EGFLAM: variants seen among roughly 807,000 people sequenced by gnomAD.
The protein encoded by EGFLAM is EGF like, fibronectin type III and laminin G domains, also known as pikachurin.
Under a neutral mutation model 113.1 loss-of-function variants are expected in EGFLAM, and 79 were observed. The observed-to-expected ratio is 0.70, with a 90% CI of 0.58 to 0.84. EGFLAM has a LOEUF of 0.84. Among genes scored for constraint, EGFLAM ranks in the 40% least tolerant of loss-of-function variants. The pLI is 0.00. For synonymous variants in EGFLAM, 504 were observed against 487.6 expected (o/e 1.03, Z -0.44); for missense variants, 1,265 against 1,291.6 (o/e 0.98, Z 0.32).
chr5:38,443,256 ACT>A (rs962825051), intron 17 of EGFLAM, among the ~76,000 whole-genome samples: 134 of 152,276 alleles, frequency 8.8e-4, no homozygotes, highest in African/African-American at 3.2e-3. Flanking sequence ...ACAGAGCGAG[ACT>A]CTGTCTCAAA....
chr5:38,357,089 C>A (rs1308195806), intron 5 of EGFLAM, among the ~76,000 whole-genome samples: 1 of 152,160 alleles, frequency 6.6e-6, no homozygotes, highest in Non-Finnish European at 1.5e-5. Context: ...AGACCCTCAG[C>A]CTGGGCAACA....
intron 1 of EGFLAM, among the ~76,000 whole-genome samples, chr5:38,333,431 G>A (rs1176471945): frequency 6.6e-6 from 1 of 152,182 alleles, no homozygotes; most frequent in African/African-American, 2.4e-5. Context: ...GCGTATAAGA[G>A]TTCCCTTTTC....
At position 38,465,261 on chromosome 5, in the gene EGFLAM, T is replaced by A. The variant is rs779895485; in HGVS notation, c.*1275T>A. Among the ~76,000 whole-genome samples, 1 of 152,000 alleles carries A rather than the reference T, an allele frequency of 6.6e-6. No homozygotes were observed. The highest frequency in any genetic ancestry group is 1.5e-5 in the Non-Finnish European group (1 of 68,002). Reference sequence around the variant, plus strand: ...CAGAGACAGCTGGTTCACTGGCAGATCCCCATGATGGACTTACTAAGGGAA... The same window carrying A: ...CAGAGACAGCTGGTTCACTGGCAGAACCCCATGATGGACTTACTAAGGGAA... On this transcript the variant is annotated 3_prime_UTR_variant, in exon 22 of 22. Transcript: ENST00000322350.
At chr5:38,424,076 C>T (rs1475686071) in intron 12 of EGFLAM, among the ~76,000 whole-genome samples, 1 of 152,164 alleles carries the variant, frequency 6.6e-6, no homozygotes, top group Admixed American at 6.5e-5. Flanking sequence ...ACCTCCACCC[C>T]CAGAAAAAGT....
At chr5:38,417,378 A>C (rs1579901650) in intron 11 of EGFLAM, among the ~76,000 whole-genome samples, 1 of 151,732 alleles carries the variant, frequency 6.6e-6, no homozygotes, top group Middle Eastern at 3.4e-3. Flanking sequence ...AACAAAAAAA[A>C]AAGGCCAAGG....
At chr5:38,322,160 G>A (rs1440860924) in intron 1 of EGFLAM, among the ~76,000 whole-genome samples, 2 of 152,168 alleles carry the variant, frequency 1.3e-5, no homozygotes, top group Non-Finnish European at 2.9e-5. Context: ...ACCCTAGCTA[G>A]TGCTGTCCAC....
intron 3 of EGFLAM, among the ~76,000 whole-genome samples, chr5:38,339,803 C>T (rs1011262395): frequency 1.3e-5 from 2 of 152,220 alleles, no homozygotes; most frequent in Admixed American, 1.3e-4. Context: ...AATAGATGCA[C>T]ATTTCCAGCT....
chr5:38,385,834 T>A (rs1740644956), intron 6 of EGFLAM, among the ~76,000 whole-genome samples: 1 of 152,242 alleles, frequency 6.6e-6, no homozygotes, highest in Non-Finnish European at 1.5e-5. Flanking sequence ...GGATACATTC[T>A]GAGAAATGCA....
intron 6 of EGFLAM, among the ~76,000 whole-genome samples, chr5:38,383,902 C>A (rs117848403): frequency 1.3e-5 from 2 of 151,830 alleles, no homozygotes; most frequent in African/African-American, 2.4e-5. Flanking sequence ...AAGAGGCCCA[C>A]GTGGTGGGAA....
At chr5:38,336,505 C>T (rs1444348092) in intron 1 of EGFLAM, among the ~76,000 whole-genome samples, 1 of 151,502 alleles carries the variant, frequency 6.6e-6, no homozygotes, top group Middle Eastern at 3.4e-3. Context: ...ACCCGGGAGG[C>T]GGGGCTTGCA....
intron 5 of EGFLAM, among the ~76,000 whole-genome samples, chr5:38,357,598 A>C (rs1739796070): frequency 6.6e-6 from 1 of 152,164 alleles, no homozygotes; most frequent in African/African-American, 2.4e-5. Flanking sequence ...GTGTGAGCCA[A>C]AAGGTCCTTA....
intron 13 of EGFLAM, among the ~76,000 whole-genome samples, chr5:38,425,308 A>G (rs1366852143): frequency 6.6e-6 from 1 of 152,088 alleles, no homozygotes; most frequent in African/African-American, 2.4e-5. Flanking sequence ...GCTCCCGAGT[A>G]GCTGGAACTA....
At chr5:38,364,234 A>G (rs895738193) in intron 5 of EGFLAM, among the ~76,000 whole-genome samples, 11 of 152,228 alleles carry the variant, frequency 7.2e-5, no homozygotes, top group East Asian at 3.9e-4. Flanking sequence ...TGGACAGTCT[A>G]CTGGGGAATG....
At chr5:38,362,239 G>T (rs1241776706) in intron 5 of EGFLAM, among the ~76,000 whole-genome samples, 3 of 152,104 alleles carry the variant, frequency 2.0e-5, no homozygotes, top group Non-Finnish European at 4.4e-5. Context: ...TACCTAAATG[G>T]ATATGACTAA....
chr5:38,302,228 G>T (rs918051199), intron 1 of EGFLAM, among the ~76,000 whole-genome samples: 1 of 134,212 alleles, frequency 7.5e-6, no homozygotes, highest in Non-Finnish European at 1.6e-5. Flanking sequence ...CAGAGTGAAA[G>T]TCCATCTCAA....
intron 1 of EGFLAM, among the ~76,000 whole-genome samples, chr5:38,321,310 G>A (rs1475971183): frequency 1.3e-5 from 2 of 152,098 alleles, no homozygotes; most frequent in African/African-American, 2.4e-5. Context: ...GACAGGAGGC[G>A]GAACTCAGGC....
At position 38,427,060 on chromosome 5, in the gene EGFLAM, C is replaced by T; in HGVS notation, c.1862C>T (p.Ala621Val). 1 of 1,614,124 alleles carries T rather than the reference C, an allele frequency of 6.2e-7. No individual in the cohort carries two copies. The highest frequency in any genetic ancestry group is 1.1e-5 in the South Asian group (1 of 91,076). ...QFRESLRSYA[A>V]TPWPLEPQHY... is the part of the protein sequence containing the mutation. ...AGAGAGTCTCTGAGATCTTACGCTG[C>T]AACTCCCTGGCCACTGGAGCCCCAG... Residue 621 changes from alanine to valine, a missense_variant, in exon 14 of 22, where the codon GCA becomes GTA. Physicochemically the swap from Ala to Val is moderately conservative, Grantham distance 64. Transcript: ENST00000322350.
intron 1 of EGFLAM, among the ~76,000 whole-genome samples, chr5:38,279,355 C>T (rs1757962629): frequency 6.6e-6 from 1 of 152,078 alleles, no homozygotes; most frequent in Non-Finnish European, 1.5e-5. Context: ...ACCAGCAATC[C>T]CACTAGTGGG....
chr5:38,435,798 G>A (rs10070200), intron 16 of EGFLAM, among the ~76,000 whole-genome samples: 11 of 145,894 alleles, frequency 7.5e-5, no homozygotes, highest in South Asian at 2.2e-4. Context: ...TGACTCCCCC[G>A]GCTCTCTCTT....
Sources: gnomAD v4.1 joint callset for allele counts (sites outside exome capture counted in the v4.1 genomes callset) on GRCh38, gnomAD v4.1.1 for gene constraint, MANE v1.5 for transcripts, NCBI Gene and HGNC (gene_info 2026-07-23, HGNC 2026-07-21) for gene names.